Variants in MYO1D observed in about 807,000 individuals in gnomAD.
The protein encoded by MYO1D is myosin ID.
MYO1D carries 83 observed loss-of-function variants against 122.0 expected under a neutral mutation model. The ratio of observed to expected loss-of-function variants is 0.68; its 90% CI spans 0.57 to 0.82. The LOEUF (loss-of-function observed/expected upper bound fraction) is 0.82, where lower values mean the gene tolerates loss of function less well. MYO1D is among the 40% of genes least tolerant of loss of function. The pLI is 0.00. For synonymous variants in MYO1D, 464 were observed against 446.9 expected (o/e 1.04, Z -0.48); for missense variants, 1,157 against 1,269.5 (o/e 0.91, Z 1.35).
intron 21 of MYO1D, among the ~76,000 whole-genome samples, chr17:32,588,323 T>C (rs2087409245): frequency 6.6e-6 from 1 of 152,216 alleles, no homozygotes; most frequent in Non-Finnish European, 1.5e-5. Context: ...AAGGGCACGA[T>C]GCCTGATAAA....
At chr17:32,648,513 G>A (rs78021166) in intron 19 of MYO1D, among the ~76,000 whole-genome samples, 19,648 of 152,196 alleles carry the variant, frequency 0.13, 1,716 homozygotes, top group Middle Eastern at 0.23. Context: ...TTCAGGATTG[G>A]GGCTGGTTGC....
chr17:32,669,226 A>G (rs1344068691), intron 16 of MYO1D, among the ~76,000 whole-genome samples: 1 of 152,180 alleles, frequency 6.6e-6, no homozygotes, highest in Non-Finnish European at 1.5e-5. Context: ...TGAAAAGGAT[A>G]TATTTCCCAT....
At chr17:32,583,634 A>T (rs868273152) in intron 21 of MYO1D, among the ~76,000 whole-genome samples, 5 of 152,116 alleles carry the variant, frequency 3.3e-5, no homozygotes, top group Non-Finnish European at 4.4e-5. Context: ...ACCAATTTTT[A>T]GTTCTGTAAT....
intron 21 of MYO1D, among the ~76,000 whole-genome samples, chr17:32,601,682 T>C (rs1271772685): frequency 6.6e-6 from 1 of 152,198 alleles, no homozygotes; most frequent in African/African-American, 2.4e-5. Context: ...CTTCTTCCAG[T>C]GTCCAGAGAC....
chr17:32,511,113 C>G (rs1243724778), intron 21 of MYO1D, among the ~76,000 whole-genome samples: 1 of 152,132 alleles, frequency 6.6e-6, no homozygotes, highest in African/African-American at 2.4e-5. Flanking sequence ...GGCTCTGGAG[C>G]CTTGAGACCC....
At chr17:32,698,848 A>T (rs1465193063) in intron 16 of MYO1D, among the ~76,000 whole-genome samples, 6 of 152,306 alleles carry the variant, frequency 3.9e-5, no homozygotes, top group Admixed American at 2.0e-4. Flanking sequence ...ATCCAATAAT[A>T]AAAAATGCAA....
intron 21 of MYO1D, among the ~76,000 whole-genome samples, chr17:32,589,975 A>G (rs116062228): frequency 1.1e-3 from 161 of 152,332 alleles, no homozygotes; most frequent in African/African-American, 3.6e-3. Flanking sequence ...GATGTATTAC[A>G]TATCAACTAG....
chr17:32,547,775 T>C (rs974049907), intron 21 of MYO1D, among the ~76,000 whole-genome samples: 1 of 151,940 alleles, frequency 6.6e-6, no homozygotes, highest in Non-Finnish European at 1.5e-5. Flanking sequence ...GGCGAAACCC[T>C]GAATCTACTA....
intron 16 of MYO1D, among the ~76,000 whole-genome samples, chr17:32,673,643 C>T (rs1322992974): frequency 2.0e-5 from 3 of 152,164 alleles, no homozygotes; most frequent in South Asian, 2.1e-4. Flanking sequence ...TGCCTGTATT[C>T]CCAGCTACTT....
At chr17:32,706,835 T>C (rs1418162275) in intron 16 of MYO1D, among the ~76,000 whole-genome samples, 1 of 152,166 alleles carries the variant, frequency 6.6e-6, no homozygotes, top group Non-Finnish European at 1.5e-5. Context: ...TAGCTGGGAC[T>C]ATAGGCACCT....
At chr17:32,551,400 G>T (rs1028262570) in intron 21 of MYO1D, among the ~76,000 whole-genome samples, 10 of 152,166 alleles carry the variant, frequency 6.6e-5, no homozygotes, top group African/African-American at 2.4e-4. Flanking sequence ...ACAAGACTTG[G>T]CCATGTCTTT....
At chr17:32,602,325 T>A (rs1231133608) in intron 21 of MYO1D, among the ~76,000 whole-genome samples, 4 of 152,232 alleles carry the variant, frequency 2.6e-5, no homozygotes, top group Non-Finnish European at 5.9e-5. Context: ...AATCTTTGAC[T>A]GGATGTCAGA....
intron 1 of MYO1D, among the ~76,000 whole-genome samples, chr17:32,860,380 C>A (rs949209119): frequency 6.6e-6 from 1 of 152,222 alleles, no homozygotes; most frequent in Admixed American, 6.5e-5. Context: ...CAACCACACA[C>A]CCCTCCAGGA....
chr17:32,752,803 T>C (rs1015779853), intron 11 of MYO1D, among the ~76,000 whole-genome samples: 4 of 152,332 alleles, frequency 2.6e-5, no homozygotes, highest in East Asian at 1.9e-4. Context: ...GAAATGCTTA[T>C]ACATTGTTGG....
chr17:32,506,376 T>G lies in MYO1D; in HGVS notation c.2865-11461A>C, dbSNP rs141458398. On this transcript the variant is annotated intron_variant, in intron 21 of 21. Coordinates refer to ENST00000318217, the MANE Select transcript of MYO1D (RefSeq NM_015194.3). ...CCAGGAAAGCATTCAAAGGTCCATGTCTCATTTGGGAGGAGGGTAGGGAGA... is the reference window on the plus strand; with the variant it reads ...CCAGGAAAGCATTCAAAGGTCCATGGCTCATTTGGGAGGAGGGTAGGGAGA... Among the ~76,000 whole-genome samples the G allele has an allele frequency of 4.3e-4, 66 of 152,278 alleles. No homozygotes were observed. The East Asian group carries it at 0.011, about 26-fold the overall frequency.
chr17:32,595,824 G>A (rs567172337), intron 21 of MYO1D, among the ~76,000 whole-genome samples: 2 of 152,290 alleles, frequency 1.3e-5, no homozygotes, highest in Non-Finnish European at 2.9e-5. Flanking sequence ...ATGTCAGGTG[G>A]AGTTGACAGC....
intron 1 of MYO1D, among the ~76,000 whole-genome samples, chr17:32,854,443 C>A (rs1013181986): frequency 3.3e-5 from 5 of 152,230 alleles, no homozygotes; most frequent in Non-Finnish European, 7.3e-5. Flanking sequence ...GAAAAGCTTG[C>A]ACATCTAAAG....
intron 3 of MYO1D, among the ~76,000 whole-genome samples, chr17:32,776,827 A>G (rs970691676): frequency 5.3e-5 from 8 of 152,194 alleles, no homozygotes; most frequent in African/African-American, 1.9e-4. Context: ...GTCCCTCCCA[A>G]TGGATACATT....
chr17:32,833,003 A>G (rs1441332357), intron 1 of MYO1D, among the ~76,000 whole-genome samples: 1 of 152,238 alleles, frequency 6.6e-6, no homozygotes, highest in Non-Finnish European at 1.5e-5. Context: ...CTCAAATCAT[A>G]AACTATGCTC....
Sources: allele counts gnomAD v4.1 joint callset (sites outside exome capture counted in the v4.1 genomes callset), GRCh38; gene constraint gnomAD v4.1.1; transcripts MANE v1.5; gene names NCBI Gene and HGNC (gene_info 2026-07-23, HGNC 2026-07-21).